Variants in RBMS3 observed in about 807,000 individuals in gnomAD.
RBMS3 encodes the protein RNA binding motif single stranded interacting protein 3.
A neutral mutation model predicts 66.8 loss-of-function variants in RBMS3; 27 were observed. The ratio of observed to expected loss-of-function variants is 0.40; its 90% CI spans 0.30 to 0.56. The LOEUF is 0.56. Among genes scored for constraint, RBMS3 ranks in the 20% least tolerant of loss-of-function variants. The pLI is 0.40. For missense variants in RBMS3, 513 were observed against 549.5 expected (o/e 0.93, Z 0.66); for synonymous variants, 188 against 183.0 (o/e 1.03, Z -0.22).
chr3:29,526,817 A>G (rs2045131507), intron 3 of RBMS3, among the ~76,000 whole-genome samples: 1 of 151,394 alleles, frequency 6.6e-6, no homozygotes, highest in South Asian at 2.1e-4. Context: ...CTCACCTCCA[A>G]TTCCTCCCTC....
At chr3:29,675,709 G>A (rs1300507786) in intron 4 of RBMS3, among the ~76,000 whole-genome samples, 6 of 152,102 alleles carry the variant, frequency 3.9e-5, no homozygotes, top group Non-Finnish European at 5.9e-5. Flanking sequence ...AGAGAAATGC[G>A]AATCAAAACC....
chr3:29,989,804 A>G (rs1698705031), intron 13 of RBMS3, among the ~76,000 whole-genome samples: 1 of 152,220 alleles, frequency 6.6e-6, no homozygotes, highest in Admixed American at 6.5e-5. Flanking sequence ...GTTCTTTGGT[A>G]TATTTAGCTT....
intron 5 of RBMS3, among the ~76,000 whole-genome samples, chr3:29,749,055 G>A (rs998502650): frequency 2.0e-5 from 3 of 152,096 alleles, no homozygotes; most frequent in Non-Finnish European, 4.4e-5. Flanking sequence ...AATTTTCTCA[G>A]AAGCAGTAAA....
At chr3:29,442,367 C>T (rs1044503144) in intron 2 of RBMS3, among the ~76,000 whole-genome samples, 2 of 152,034 alleles carry the variant, frequency 1.3e-5, no homozygotes, top group Admixed American at 6.6e-5. Flanking sequence ...GAAGAATTTT[C>T]TGCTGAATGT....
At chr3:29,626,989 T>A (rs1480401319) in intron 4 of RBMS3, among the ~76,000 whole-genome samples, 2 of 152,166 alleles carry the variant, frequency 1.3e-5, no homozygotes, top group Non-Finnish European at 2.9e-5. Context: ...TAATAAAGCC[T>A]GGGTTGCTAC....
chr3:29,779,725 A>ATATAT (rs1301512844), intron 6 of RBMS3, among the ~76,000 whole-genome samples: 4 of 144,934 alleles, frequency 2.8e-5, no homozygotes, highest in Non-Finnish European at 6.2e-5. Flanking sequence ...ATATATATAT[A>ATATAT]AACAACCCCA....
At chr3:29,446,432 T>G (rs539470381) in intron 2 of RBMS3, among the ~76,000 whole-genome samples, 41 of 152,254 alleles carry the variant, frequency 2.7e-4, no homozygotes, top group African/African-American at 9.1e-4. Context: ...TTAACTGAGA[T>G]TATACGTATT....
intron 2 of RBMS3, among the ~76,000 whole-genome samples, chr3:29,470,652 A>T (rs1412907703): frequency 6.6e-6 from 1 of 152,076 alleles, no homozygotes; most frequent in Non-Finnish European, 1.5e-5. Flanking sequence ...ACCAGTAGAC[A>T]TGTACATTGG....
chr3:29,649,130 C>G (rs1318745049), intron 4 of RBMS3, among the ~76,000 whole-genome samples: 1 of 152,182 alleles, frequency 6.6e-6, no homozygotes, highest in Non-Finnish European at 1.5e-5. Context: ...TTTATAAGCA[C>G]TACTTTTTCC....
At chr3:29,698,370 C>T (rs1483917568) in intron 4 of RBMS3, 1 of 985,224 alleles carries the variant, frequency 1.0e-6, no homozygotes, top group African/African-American at 1.7e-5. Flanking sequence ...TCTGAATGTG[C>T]TGTAAACCAG....
chr3:29,438,718 C>A (rs2041494903), intron 2 of RBMS3, among the ~76,000 whole-genome samples: 1 of 152,054 alleles, frequency 6.6e-6, no homozygotes, highest in African/African-American at 2.4e-5. Context: ...CTTGAGACAC[C>A]TTAAGGAACT....
intron 10 of RBMS3, among the ~76,000 whole-genome samples, chr3:29,912,401 G>T (rs2060538423): frequency 6.6e-6 from 1 of 152,018 alleles, no homozygotes; most frequent in African/African-American, 2.4e-5. Context: ...TAGGGAAAAT[G>T]ATGCTAATAT....
chr3:29,527,546 T>A (rs1174424561), intron 3 of RBMS3, among the ~76,000 whole-genome samples: 2 of 152,202 alleles, frequency 1.3e-5, no homozygotes, highest in Admixed American at 6.5e-5. Flanking sequence ...GCTGTACACT[T>A]TTCATGTTCT....
intron 14 of RBMS3, among the ~76,000 whole-genome samples, chr3:29,997,726 T>G (rs1047533897): frequency 1.3e-5 from 2 of 152,002 alleles, no homozygotes; most frequent in African/African-American, 4.8e-5. Context: ...CAACCCTTCA[T>G]GCTAAAAACT....
rs3773114 is a variant in RBMS3 at position 29,875,977 on chromosome 3, C to G, written c.744+7013C>G. ...GCATGTAAATAACAATATTAAGACC[C>G]CTTTGATGTTCTTTTCTCAAACATA... On this transcript the variant is annotated intron_variant, in intron 7 of 14. Transcript: ENST00000383767. 5.3e-5 allele frequency among the ~76,000 whole-genome samples: 8 copies of G among 152,224 alleles called. No homozygotes were observed. The East Asian group carries it at 5.8e-4, about 11-fold the overall frequency.
intron 6 of RBMS3, among the ~76,000 whole-genome samples, chr3:29,837,263 A>G (rs1285155454): frequency 6.6e-6 from 1 of 152,024 alleles, no homozygotes; most frequent in African/African-American, 2.4e-5. Context: ...ATAGAATAAT[A>G]TTTTTAAACT....
intron 6 of RBMS3, among the ~76,000 whole-genome samples, chr3:29,791,938 A>AC (rs1369618987): frequency 6.6e-6 from 1 of 152,202 alleles, no homozygotes; most frequent in Non-Finnish European, 1.5e-5. Flanking sequence ...TTCTAAAATC[A>AC]CATTTTATTT....
At chr3:29,935,414 T>A (rs2061241186) in intron 10 of RBMS3, among the ~76,000 whole-genome samples, 2 of 152,080 alleles carry the variant, frequency 1.3e-5, no homozygotes, top group African/African-American at 4.8e-5. Flanking sequence ...TAAAAAAAAA[T>A]TGTGGATGGA....
intron 3 of RBMS3, among the ~76,000 whole-genome samples, chr3:29,577,575 A>T (rs1328723375): frequency 6.6e-6 from 1 of 152,200 alleles, no homozygotes; most frequent in African/African-American, 2.4e-5. Flanking sequence ...GCTTGCCAGG[A>T]AACTTGGGTA....
Sources: allele counts gnomAD v4.1 joint callset (sites outside exome capture counted in the v4.1 genomes callset), GRCh38; gene constraint gnomAD v4.1.1; transcripts MANE v1.5; gene names NCBI Gene and HGNC (gene_info 2026-07-23, HGNC 2026-07-21).